Variants in NETO2 observed in about 807,000 individuals in gnomAD.
NETO2 encodes the protein neuropilin and tolloid like 2, also known as neuropilin and tolloid-like protein 2.
In NETO2, 28 loss-of-function variants were observed where a neutral mutation model predicts 62.5. That is an observed-to-expected ratio of 0.45 (90% CI 0.33 to 0.61). The LOEUF (loss-of-function observed/expected upper bound fraction) is 0.61. NETO2 is among the 20% of genes least tolerant of loss of function. The pLI, the probability that NETO2 is intolerant of heterozygous loss-of-function variation, is 0.02. For synonymous variants in NETO2, 214 were observed against 219.1 expected (o/e 0.98, Z 0.21); for missense variants, 548 against 643.2 (o/e 0.85, Z 1.60).
chr16:47,099,648 C>G (rs1963501214), intron 7 of NETO2, among the ~76,000 whole-genome samples: 1 of 151,694 alleles, frequency 6.6e-6, no homozygotes. Context: ...AAAAAAAAAG[C>G]AGAGGTTGCA....
chr16:47,134,044 C>T (rs1964322382), intron 1 of NETO2, among the ~76,000 whole-genome samples: 1 of 152,096 alleles, frequency 6.6e-6, no homozygotes, highest in Non-Finnish European at 1.5e-5. Flanking sequence ...TGACATGGTT[C>T]AGGTGTAGAG....
At chr16:47,130,533 C>A (rs1334383647) in intron 2 of NETO2, among the ~76,000 whole-genome samples, 1 of 151,746 alleles carries the variant, frequency 6.6e-6, no homozygotes, top group African/African-American at 2.4e-5. Context: ...TAAAAACCAC[C>A]ACCACCACAA....
At chr16:47,110,987 C>T (rs1360268913) in intron 6 of NETO2, among the ~76,000 whole-genome samples, 1 of 152,194 alleles carries the variant, frequency 6.6e-6, no homozygotes, top group Non-Finnish European at 1.5e-5. Context: ...CAAAACTTTA[C>T]AAAGTCTTCA....
rs1963103869 is a variant in NETO2 at position 47,083,158 on chromosome 16, T to G, written c.*63A>C. On this transcript the variant is annotated 3_prime_UTR_variant, in exon 9 of 9. Coordinates refer to ENST00000562435, the MANE Select transcript of NETO2 (RefSeq NM_018092.5). ...GAAAAGGGTTGGCTGCTGGAAACAG[T>G]ATGGTGCCCTGGAGGCTGCGTACGT... 2 of 1,428,494 alleles carry G rather than the reference T, an allele frequency of 1.4e-6. No individual in the cohort carries two copies. Among genetic ancestry groups the G allele is most frequent in the Admixed American group, 4.2e-5 (2 of 47,782 alleles). 88.5% of individuals were successfully genotyped at this position (1,428,494 alleles called of 1,614,324 possible).
intron 4 of NETO2, among the ~76,000 whole-genome samples, chr16:47,128,075 A>G (rs932525904): frequency 6.6e-6 from 1 of 152,212 alleles, no homozygotes; most frequent in Non-Finnish European, 1.5e-5. Context: ...ATGTGCTATA[A>G]GACAGAAAAA....
In NETO2 at chr16:47,083,181, C is replaced by G; in HGVS notation, c.*40G>C. 1 of 1,546,458 alleles carries G rather than the reference C, an allele frequency of 6.5e-7. No individual in the cohort carries two copies. Among genetic ancestry groups the G allele is most frequent in the Non-Finnish European group, 8.8e-7 (1 of 1,139,716 alleles). On this transcript the variant is annotated 3_prime_UTR_variant, in exon 9 of 9. Transcript: ENST00000562435. ...AGTATGGTGCCCTGGAGGCTGCGTACGTACACACCCTAAGAATTCACATCA... is the reference window on the plus strand; with the variant it reads ...AGTATGGTGCCCTGGAGGCTGCGTAGGTACACACCCTAAGAATTCACATCA...
At chr16:47,122,016 G>C (rs1964049455) in intron 6 of NETO2, among the ~76,000 whole-genome samples, 2 of 152,116 alleles carry the variant, frequency 1.3e-5, no homozygotes, top group African/African-American at 4.8e-5. Flanking sequence ...TGAGAGGTAT[G>C]TTTTCCCACC....
rs372639504 is a variant in NETO2 at position 47,124,503 on chromosome 16, A to G, written c.482-1591T>C. On this transcript the variant is annotated intron_variant, in intron 4 of 8. Coordinates refer to ENST00000562435, the MANE Select transcript of NETO2 (RefSeq NM_018092.5). ...CCAGATTTACCACCTCCTAGACAAA[A>G]TTTATTTTATTAACATGACTTGAAA... 5.3e-5 allele frequency among the ~76,000 whole-genome samples: 8 copies of G among 152,274 alleles called. No homozygotes were observed. In the South Asian group the frequency reaches 1.5e-3, roughly 28 times the overall value.
intron 7 of NETO2, among the ~76,000 whole-genome samples, chr16:47,102,920 C>T (rs1298764449): frequency 6.6e-6 from 1 of 152,142 alleles, no homozygotes; most frequent in Non-Finnish European, 1.5e-5. Flanking sequence ...TACCATTTGA[C>T]CCAGCAATCT....
Position 47,105,640 on chromosome 16 carries a change from TA to T in NETO2, c.883+3842del, listed in dbSNP as rs34358642. ...GAATACACAGAGAACGTCTACAACT[TA>T]AAAAAAAATTCAAAAGCGGGCAAAG... On this transcript the variant is annotated intron_variant, in intron 7 of 8. Coordinates refer to ENST00000562435, the MANE Select transcript of NETO2 (RefSeq NM_018092.5). Among the ~76,000 whole-genome samples, 1,500 of 151,420 alleles carry T rather than the reference TA, an allele frequency of 9.9e-3. 16 individuals are homozygous for T. The highest frequency in any genetic ancestry group is 0.013 in the Non-Finnish European group (888 of 67,794).
chr16:47,115,968 T>C (rs532908813), intron 6 of NETO2, among the ~76,000 whole-genome samples: 16 of 151,878 alleles, frequency 1.1e-4, no homozygotes, highest in South Asian at 2.1e-4. Flanking sequence ...AATTTTTATA[T>C]AGACAACGAT....
intron 6 of NETO2, among the ~76,000 whole-genome samples, chr16:47,121,208 A>G (rs1964032762): frequency 7.2e-5 from 11 of 152,088 alleles, no homozygotes; most frequent in Admixed American, 6.5e-4. Context: ...TGAAACACTC[A>G]AATTCTTGGG....
intron 4 of NETO2, among the ~76,000 whole-genome samples, chr16:47,125,150 C>T (rs907940120): frequency 6.6e-6 from 1 of 152,184 alleles, no homozygotes; most frequent in Non-Finnish European, 1.5e-5. Flanking sequence ...CTAACAGTAT[C>T]TTCATGACAC....
chr16:47,096,098 TATAAG>T (rs1297086215), intron 7 of NETO2, among the ~76,000 whole-genome samples: 2 of 152,152 alleles, frequency 1.3e-5, no homozygotes, highest in Middle Eastern at 3.2e-3. Flanking sequence ...CACGGGAAAT[TATAAG>T]ATACCTTGAG....
intron 7 of NETO2, among the ~76,000 whole-genome samples, chr16:47,093,066 T>C (rs1450837380): frequency 3.3e-5 from 5 of 152,150 alleles, no homozygotes; most frequent in African/African-American, 9.7e-5. Context: ...CTCATATCCA[T>C]GCCCCAGCTA....
At chr16:47,084,812 G>C (rs1454485705) in intron 8 of NETO2, among the ~76,000 whole-genome samples, 1 of 152,132 alleles carries the variant, frequency 6.6e-6, no homozygotes, top group Non-Finnish European at 1.5e-5. Context: ...CCCCAGATGG[G>C]ACTGTCTAGT....
intron 7 of NETO2, among the ~76,000 whole-genome samples, chr16:47,097,164 C>T (rs1015342961): frequency 7.9e-5 from 12 of 152,278 alleles, no homozygotes; most frequent in South Asian, 6.2e-4. Context: ...GGAACGCCAG[C>T]GAGACAGAAC....
chr16:47,131,889 T>G, intron 2 of NETO2, 80 bp downstream of exon 2: 1 of 1,143,500 alleles, frequency 8.7e-7, no homozygotes, highest in Non-Finnish European at 1.3e-6. Flanking sequence ...ATGAAAATAG[T>G]ACCCAAAAGT....
chr16:47,105,004 G>A (rs770618004), intron 7 of NETO2, among the ~76,000 whole-genome samples: 83 of 151,852 alleles, frequency 5.5e-4, no homozygotes, highest in African/African-American at 1.9e-3. Context: ...ACAGGCATGA[G>A]CCACTGTGCC....
Sources: gnomAD v4.1 joint callset for allele counts (sites outside exome capture counted in the v4.1 genomes callset) on GRCh38, gnomAD v4.1.1 for gene constraint, MANE v1.5 for transcripts, NCBI Gene and HGNC (gene_info 2026-07-23, HGNC 2026-07-21) for gene names.